Variants in NYNRIN observed in about 807,000 individuals in gnomAD.
NYNRIN encodes the protein protein NYNRIN.
NYNRIN carries 86 observed loss-of-function variants against 146.6 expected under a neutral mutation model. The ratio of observed to expected loss-of-function variants is 0.59; its 90% CI spans 0.49 to 0.70. NYNRIN has a LOEUF of 0.70. Ranked by LOEUF, NYNRIN falls within the 30% of genes least tolerant of loss-of-function variation. NYNRIN has a pLI of 0.00. For synonymous variants in NYNRIN, 1,027 were observed against 1,001.3 expected (o/e 1.03, Z -0.48); for missense variants, 2,191 against 2,377.7 (o/e 0.92, Z 1.63).
chr14:24,414,545 G>A (rs1407773490), intron 8 of NYNRIN, 51 bp from the exon 9 acceptor site: 2 of 1,528,772 alleles, frequency 1.3e-6, no homozygotes, highest in Admixed American at 4.1e-5. Context: ...TCCCTTTGGA[G>A]GATTGCTCAC....
chr14:24,415,891 T>G lies in NYNRIN; in HGVS notation c.4142T>G (p.Ile1381Ser). Residue 1381 changes from isoleucine to serine, a missense_variant, in exon 9 of 9, where the codon ATC becomes AGC. Ile to Ser is a moderately radical substitution (Grantham distance 142). This residue lies in a region of NYNRIN where 1,291 missense variants were observed against 1,417.0 expected (regional missense o/e 0.91). Transcript: ENST00000382554. ...PVVFLTHCNW[I>S]FSLLWELLPL... is the part of the protein sequence containing the mutation. ...GTTTTCCTCACTCACTGCAACTGGA[T>G]CTTCAGCCTCCTGTGGGAGCTCCTG... The G allele has an allele frequency of 1.2e-6, 2 of 1,613,978 alleles. No individual in the cohort carries two copies. The highest frequency in any genetic ancestry group is 1.7e-5 in the Admixed American group (1 of 60,026).
At chr14:24,407,829 CA>C in intron 2 of NYNRIN, 39 bp from the exon 3 acceptor site, 1 of 1,540,502 alleles carries the variant, frequency 6.5e-7, no homozygotes, top group African/African-American at 1.4e-5. Flanking sequence ...GGCAGGCCCC[CA>C]ACGGGCTGAC....
rs148616243 is a variant in NYNRIN, at chr14:24,400,762, T to A, written c.198+1318T>A. Reference sequence around the variant, plus strand: ...TTTGAAAGGCAGCAGCTCACCCTCTTAGGGGACTCACACTTTCTTTTTCTT... The same window carrying A: ...TTTGAAAGGCAGCAGCTCACCCTCTAAGGGGACTCACACTTTCTTTTTCTT... On this transcript the variant is annotated intron_variant, in intron 2 of 8. Coordinates refer to ENST00000382554, the MANE Select transcript of NYNRIN (RefSeq NM_025081.3). 1.9e-3 allele frequency among the ~76,000 whole-genome samples: 296 copies of A among 151,928 alleles called. 5 individuals carry two copies. The highest frequency in any genetic ancestry group is 0.015 in the Admixed American group (227 of 15,252).
Position 24,414,582 on chromosome 14 carries a change from C to T in NYNRIN, c.2847-14C>T, listed in dbSNP as rs753944239. 6.3e-7 allele frequency: 1 copy of T among 1,590,702 alleles called. No individual in the cohort carries two copies. On this transcript the variant is annotated splice_polypyrimidine_tract_variant and intron_variant, in intron 8 of 8. Transcript: ENST00000382554. ...ATGGGGCTGCCCTTCCCTCTTCCAT[C>T]TGTTTTGGTGTAGGTTGGACACTGA...
In NYNRIN at chr14:24,418,159, A is replaced by T. The variant is rs962244318; in HGVS notation, c.*713A>T. 1 of 423,664 alleles carries T rather than the reference A, an allele frequency of 2.4e-6. No homozygotes were observed. Among genetic ancestry groups the T allele is most frequent in the African/African-American group, 2.0e-5 (1 of 48,948 alleles). The allele number at this position is 423,664 out of a possible 1,614,324, so 26.2% of individuals were successfully genotyped here. On this transcript the variant is annotated 3_prime_UTR_variant, in exon 9 of 9. Coordinates refer to ENST00000382554, the MANE Select transcript of NYNRIN (RefSeq NM_025081.3). ...AGGGGGAAATGGGTTGGCCTACCTC[A>T]TTTGACTCCAGCCAATGGAGACAAT...
In NYNRIN at chr14:24,410,151, A is replaced by G. The variant is rs370769954; in HGVS notation, c.2357A>G (p.Glu786Gly). ...CCCTTCGAGCTGAACCTGTCAGGGG[A>G]ACCTGGAAACCAGGGGTTGCGGCGA... ...NTPFELNLSGEPGNQGLRRVV... is the reference protein window; with the variant it reads ...NTPFELNLSGGPGNQGLRRVV... The change falls in exon 4 of 9, where the codon GAA becomes GGA. Residue 786 changes from glutamate (E) to glycine (G), a missense_variant. Around this residue, in one of 3 missense-constraint regions of NYNRIN, gnomAD observed 1,291 missense variants for 1,417.0 expected, o/e 0.91. Coordinates refer to ENST00000382554, the MANE Select transcript of NYNRIN (RefSeq NM_025081.3). 9 of 1,612,750 alleles carry G rather than the reference A, an allele frequency of 5.6e-6. No individual in the cohort carries two copies. Among genetic ancestry groups the G allele is most frequent in the Admixed American group, 5.0e-5 (3 of 59,980 alleles).
Position 24,416,888 on chromosome 14 carries a change from G to C in NYNRIN, c.5139G>C (p.Leu1713=), listed in dbSNP as rs751856677. 5.6e-5 allele frequency: 90 copies of C among 1,606,794 alleles called. No homozygotes were observed. Among genetic ancestry groups the C allele is most frequent in the Non-Finnish European group, 7.1e-5 (84 of 1,175,876 alleles). The change falls in exon 9 of 9, where the codon CTG becomes CTC. Residue 1713 remains leucine (L), a synonymous_variant. Transcript: ENST00000382554. ...GTCGGGACCTCCAGTTCCCCTGCCT[G>C]ACGAGCTCAGGGGCCTACTGGGAAT... The part of the protein sequence containing the change: ...SLSRDLQFPC[L]TSSGAYWEFK...
rs750586325 is a variant in NYNRIN at position 24,415,179 on chromosome 14, G to A, written c.3430G>A (p.Ala1144Thr). The A allele has an allele frequency of 7.5e-6, 12 of 1,608,592 alleles. No homozygotes were observed. Among genetic ancestry groups the A allele is most frequent in the East Asian group, 2.2e-5 (1 of 44,856 alleles). The change falls in exon 9 of 9, where the codon GCC becomes ACC. Residue 1144 changes from alanine to threonine, a missense_variant. Ala to Thr is a moderately conservative substitution (Grantham distance 58). Transcript: ENST00000382554. The part of the protein sequence containing the change: ...HEEAFLALKR[A>T]LVSALCLMAP... ...GGAGGCCTTCCTGGCCCTGAAGCGA[G>A]CCCTGGTGTCTGCCCTCTGCCTGAT...
intron 2 of NYNRIN, among the ~76,000 whole-genome samples, chr14:24,406,608 G>A (rs995202304): frequency 3.9e-5 from 6 of 152,238 alleles, no homozygotes; most frequent in East Asian, 1.9e-4. Flanking sequence ...AGAGGGACAC[G>A]TAGGCCTGAG....
rs1352500507 is a variant in NYNRIN, at chr14:24,399,255, G to T, written c.9G>T (p.Leu3=). 3.1e-6 allele frequency: 5 copies of T among 1,613,788 alleles called. No homozygotes were observed. Among genetic ancestry groups the T allele is most frequent in the Non-Finnish European group, 3.4e-6 (4 of 1,179,828 alleles). Residue 3 remains leucine, a synonymous_variant, in exon 2 of 9, where the codon CTG becomes CTT. Coordinates refer to ENST00000382554, the MANE Select transcript of NYNRIN (RefSeq NM_025081.3). ML[L]SGGDPPAQEW... is the part of the protein sequence containing the mutation. ...GAGCGGGCGGGGCAGCCATGCTCCTGTCTGGGGGCGATCCTCCGGCGCAGG... is the reference window on the plus strand; with the variant it reads ...GAGCGGGCGGGGCAGCCATGCTCCTTTCTGGGGGCGATCCTCCGGCGCAGG...
In NYNRIN at chr14:24,409,181, C is replaced by T. The variant is rs766567921; in HGVS notation, c.1387C>T (p.Pro463Ser). The T allele has an allele frequency of 1.9e-6, 3 of 1,613,896 alleles. No individual in the cohort carries two copies. In the South Asian group the frequency reaches 3.3e-5, roughly 18 times the overall value. Residue 463 changes from proline (P) to serine (S), a missense_variant, in exon 4 of 9, where the codon CCT becomes TCT. Coordinates refer to ENST00000382554, the MANE Select transcript of NYNRIN (RefSeq NM_025081.3). ...SPKVTSLLVVPGSSDVKDKVS... is the reference protein window; with the variant it reads ...SPKVTSLLVVSGSSDVKDKVS... Reference sequence around the variant, plus strand: ...AAAAGTTACGAGTTTATTGGTGGTCCCTGGGAGCTCAGATGTAAAAGACAA... The same window carrying T: ...AAAAGTTACGAGTTTATTGGTGGTCTCTGGGAGCTCAGATGTAAAAGACAA...
rs2042941025 is a variant in NYNRIN, at chr14:24,415,779, T to G, written c.4030T>G (p.Ser1344Ala). The G allele has an allele frequency of 7.4e-6, 12 of 1,613,878 alleles. No individual in the cohort carries two copies. Among genetic ancestry groups the G allele is most frequent in the Non-Finnish European group, 1.0e-5 (12 of 1,179,902 alleles). ...CAGCCCCCCTGTCTCCCTTTCCTTC[T>G]CCTGCTCCCCTTACACGCCAACCTA... ...PTSPPVSLSF[S>A]CSPYTPTYAH... is the part of the protein sequence containing the mutation. Residue 1344 changes from serine (S) to alanine (A), a missense_variant, in exon 9 of 9, where the codon TCC (serine) becomes GCC (alanine). Coordinates refer to ENST00000382554, the MANE Select transcript of NYNRIN (RefSeq NM_025081.3).
intron 2 of NYNRIN, among the ~76,000 whole-genome samples, chr14:24,400,609 G>A (rs535011048): frequency 6.6e-4 from 100 of 152,256 alleles, no homozygotes; most frequent in African/African-American, 2.3e-3. Context: ...TGCTAGGAGG[G>A]GGAAGGGGTG....
rs749324752 is a variant in NYNRIN at position 24,417,056 on chromosome 14, G to A, written c.5307G>A (p.Thr1769=). 49 of 1,611,972 alleles carry A rather than the reference G, an allele frequency of 3.0e-5. No individual in the cohort carries two copies. Among genetic ancestry groups the A allele is most frequent in the South Asian group, 5.5e-5 (5 of 90,906 alleles). ...KVLTGGESRL[T]EPLWWEMSSA... ...TGACCGGGGGTGAGTCAAGGCTCAC[G>A]GAGCCCCTGTGGTGGGAGATGAGCA... Residue 1769 remains threonine, a synonymous_variant, in exon 9 of 9, where the codon ACG becomes ACA. Transcript: ENST00000382554.
At chr14:24,404,501 AG>A (rs1329951602) in intron 2 of NYNRIN, among the ~76,000 whole-genome samples, 1 of 152,072 alleles carries the variant, frequency 6.6e-6, no homozygotes, top group African/African-American at 2.4e-5. Flanking sequence ...CTCTTCTTTC[AG>A]GTTGCTTTTT....
chr14:24,410,749 G>A (rs1009488682), intron 4 of NYNRIN, among the ~76,000 whole-genome samples: 1 of 152,196 alleles, frequency 6.6e-6, no homozygotes, highest in South Asian at 2.1e-4. Flanking sequence ...GCACACTGTC[G>A]GTGGCCAGGG....
chr14:24,399,577 G>A lies in NYNRIN; in HGVS notation c.198+133G>A, dbSNP rs1388771775. On this transcript the variant is annotated intron_variant, in intron 2 of 8. Transcript: ENST00000382554. ...CTGGATTTGGCAGTGTGGCAGGCAG[G>A]TAGTGGGCCATCCTCCTGCCTCGCC... is the stretch of plus-strand genomic sequence containing the variant. The A allele has an allele frequency of 3.9e-6, 3 of 765,824 alleles. No homozygotes were observed. In the African/African-American group the frequency reaches 5.3e-5, roughly 13 times the overall value. The allele number at this position is 765,824 out of a possible 1,614,324, so 47.4% of individuals were successfully genotyped here.
At chr14:24,414,257 T>C (rs1174474086) in intron 8 of NYNRIN, among the ~76,000 whole-genome samples, 2 of 152,350 alleles carry the variant, frequency 1.3e-5, no homozygotes, top group East Asian at 3.9e-4. Context: ...CTGCCCCCCC[T>C]TTTCCAGGAT....
At chr14:24,412,104 A>C (rs1162840371) in intron 6 of NYNRIN, among the ~76,000 whole-genome samples, 1 of 152,208 alleles carries the variant, frequency 6.6e-6, no homozygotes, top group African/African-American at 2.4e-5. Flanking sequence ...CTCTCATGCC[A>C]GGCAGGGAGA....
Sources: gnomAD v4.1 joint callset for allele counts (sites outside exome capture counted in the v4.1 genomes callset) on GRCh38, gnomAD v4.1.1 for gene constraint, gnomAD v4.1.1 regional missense constraint, MANE v1.5 for transcripts, NCBI Gene and HGNC (gene_info 2026-07-23, HGNC 2026-07-21) for gene names.